CNTN1: variants seen among roughly 807,000 people sequenced by gnomAD.
CNTN1 encodes the protein contactin-1.
CNTN1 carries 38 observed loss-of-function variants against 126.4 expected under a neutral mutation model. The ratio of observed to expected loss-of-function variants is 0.30; its 90% CI spans 0.23 to 0.39. CNTN1 has a LOEUF of 0.39. Among genes scored for constraint, CNTN1 ranks in the 10% least tolerant of loss-of-function variants. CNTN1 has a pLI of 1.00. For synonymous variants in CNTN1, 413 were observed against 422.6 expected, an observed-to-expected ratio of 0.98 and a Z score of 0.28; for missense variants, 1,009 against 1,248.4, an observed-to-expected ratio of 0.81 and a Z score of 2.89.
intron 17 of CNTN1, among the ~76,000 whole-genome samples, chr12:41,007,829 G>T (rs148885646): frequency 2.1e-3 from 326 of 152,290 alleles, no homozygotes; most frequent in African/African-American, 7.6e-3. Flanking sequence ...AACATGTATA[G>T]TCCTTACTTC....
At chr12:41,023,844 A>G (rs1465743409) in intron 20 of CNTN1, among the ~76,000 whole-genome samples, 1 of 152,202 alleles carries the variant, frequency 6.6e-6, no homozygotes, top group Non-Finnish European at 1.5e-5. Flanking sequence ...AAAGATGTGG[A>G]GAAAGGTTGT....
At chr12:40,979,413 A>G (rs1239667322) in intron 15 of CNTN1, among the ~76,000 whole-genome samples, 2 of 152,100 alleles carry the variant, frequency 1.3e-5, no homozygotes, top group Non-Finnish European at 2.9e-5. Context: ...CATCTAAGCT[A>G]AGCAACCCAA....
rs557028328 is a variant in CNTN1 at position 40,899,516 on chromosome 12, C to A, written c.-76-8841C>A. Among the ~76,000 whole-genome samples, 157 of 152,260 alleles carry A rather than the reference C, an allele frequency of 1.0e-3. 2 individuals carry two copies. Among genetic ancestry groups the A allele is most frequent in the African/African-American group, 3.2e-3 (131 of 41,554 alleles). ...AATGCCACACAAAATATACCATAGACATAATTTTAAGAGACAGACTATTAA... is the reference window on the plus strand; with the variant it reads ...AATGCCACACAAAATATACCATAGAAATAATTTTAAGAGACAGACTATTAA... On this transcript the variant is annotated intron_variant, in intron 1 of 23. Transcript: ENST00000551295.
intron 1 of CNTN1, among the ~76,000 whole-genome samples, chr12:40,801,005 C>G (rs1176556971): frequency 7.9e-6 from 1 of 126,748 alleles, no homozygotes; most frequent in Non-Finnish European, 1.6e-5. Flanking sequence ...GCAGGTCAAA[C>G]TAGAGTTTTG....
intron 15 of CNTN1, among the ~76,000 whole-genome samples, chr12:40,978,318 A>G (rs929399533): frequency 1.3e-5 from 2 of 151,972 alleles, no homozygotes; most frequent in Non-Finnish European, 2.9e-5. Flanking sequence ...GTAGGCAATT[A>G]CTAGATGGAA....
At chr12:40,999,141 T>C (rs1330856674) in intron 17 of CNTN1, among the ~76,000 whole-genome samples, 1 of 152,138 alleles carries the variant, frequency 6.6e-6, no homozygotes, top group Non-Finnish European at 1.5e-5. Context: ...TGGCATTGGC[T>C]TGATTTTCTT....
At chr12:41,050,653 G>A (rs753138092) in intron 23 of CNTN1, among the ~76,000 whole-genome samples, 1 of 152,040 alleles carries the variant, frequency 6.6e-6, no homozygotes, top group African/African-American at 2.4e-5. Flanking sequence ...ATTTAACATA[G>A]GTATGTTCTC....
chr12:40,971,728 G>C, intron 15 of CNTN1: 1 of 1,326,206 alleles, frequency 7.5e-7, no homozygotes, highest in Non-Finnish European at 9.6e-7. Context: ...AAAATGCCTA[G>C]TGAACTAACT....
At chr12:40,934,067 A>G (rs1945993632) in intron 9 of CNTN1, among the ~76,000 whole-genome samples, 189 bp downstream of exon 9, 1 of 152,098 alleles carries the variant, frequency 6.6e-6, no homozygotes, top group Non-Finnish European at 1.5e-5. Context: ...GAAGTTACGA[A>G]CTTATTACCA....
intron 1 of CNTN1, among the ~76,000 whole-genome samples, chr12:40,784,188 C>G (rs1034796161): frequency 6.6e-6 from 1 of 152,166 alleles, no homozygotes; most frequent in Admixed American, 6.5e-5. Context: ...GAATTTAGAC[C>G]TGCATTTGTC....
chr12:40,995,522 A>T (rs1196063628), intron 17 of CNTN1, among the ~76,000 whole-genome samples: 1 of 152,226 alleles, frequency 6.6e-6, no homozygotes, highest in Non-Finnish European at 1.5e-5. Flanking sequence ...CTAAAGGCAC[A>T]GTTGTTACTT....
chr12:40,821,517 T>C (rs920787928), intron 1 of CNTN1, among the ~76,000 whole-genome samples: 2 of 152,226 alleles, frequency 1.3e-5, no homozygotes, highest in East Asian at 1.9e-4. Flanking sequence ...GTAGTATTAG[T>C]GGTCTCATTT....
intron 15 of CNTN1, among the ~76,000 whole-genome samples, chr12:40,977,632 G>T (rs1006471465): frequency 6.6e-6 from 1 of 152,164 alleles, no homozygotes; most frequent in Non-Finnish European, 1.5e-5. Flanking sequence ...AGGTAGCTAA[G>T]ATGCTCAGAA....
At chr12:40,723,411 C>T (rs1942270360) in intron 1 of CNTN1, among the ~76,000 whole-genome samples, 2 of 152,212 alleles carry the variant, frequency 1.3e-5, no homozygotes. Flanking sequence ...TCCAAGATGA[C>T]TCTCATGAGA....
At chr12:40,950,990 T>A (rs2136978520) in intron 14 of CNTN1, among the ~76,000 whole-genome samples, 1 of 152,014 alleles carries the variant, frequency 6.6e-6, no homozygotes, top group South Asian at 2.1e-4. Context: ...AAAATGTCCA[T>A]TCTGATCACT....
intron 1 of CNTN1, among the ~76,000 whole-genome samples, chr12:40,772,329 T>C (rs1429903238): frequency 6.6e-6 from 1 of 152,006 alleles, no homozygotes; most frequent in Non-Finnish European, 1.5e-5. Context: ...CATTTGTTTG[T>C]CATCACATAT....
At chr12:41,046,186 T>A (rs1387282989) in intron 23 of CNTN1, among the ~76,000 whole-genome samples, 2 of 152,124 alleles carry the variant, frequency 1.3e-5, no homozygotes, top group Non-Finnish European at 2.9e-5. Context: ...TTGTCCTGTG[T>A]CCTGCCTCAG....
intron 17 of CNTN1, among the ~76,000 whole-genome samples, chr12:41,011,936 A>G (rs1180956204): frequency 1.3e-5 from 2 of 152,250 alleles, no homozygotes; most frequent in African/African-American, 4.8e-5. Flanking sequence ...AAGGAAGGAC[A>G]GTATTAAGAC....
intron 23 of CNTN1, among the ~76,000 whole-genome samples, chr12:41,069,544 T>C (rs1040758314): frequency 2.6e-5 from 4 of 152,216 alleles, no homozygotes; most frequent in African/African-American, 4.8e-5. Context: ...CATTAACTCG[T>C]CATTTAGCAT....
Sources: allele counts gnomAD v4.1 joint callset (sites outside exome capture counted in the v4.1 genomes callset), GRCh38; gene constraint gnomAD v4.1.1; transcripts MANE v1.5; gene names NCBI Gene and HGNC (gene_info 2026-07-23, HGNC 2026-07-21).